KCTD19: variants seen among roughly 807,000 people sequenced by gnomAD.
KCTD19 encodes the protein potassium channel tetramerization domain containing 19.
A neutral mutation model predicts 103.5 loss-of-function variants in KCTD19; 67 were observed. That is an observed-to-expected ratio of 0.65 (90% CI 0.53 to 0.79). KCTD19 has a LOEUF of 0.79. KCTD19 is among the 30% of genes least tolerant of loss of function. KCTD19 has a pLI of 0.00. For missense variants in KCTD19, 980 were observed against 1,136.1 expected (o/e 0.86, Z 1.98); for synonymous variants, 439 against 452.2 (o/e 0.97, Z 0.37).
Position 67,304,444 on chromosome 16 carries a change from G to C in KCTD19, c.428C>G (p.Pro143Arg). The C allele has an allele frequency of 1.2e-6, 2 of 1,613,986 alleles. No individual in the cohort carries two copies. Among genetic ancestry groups the C allele is most frequent in the Non-Finnish European group, 1.7e-6 (2 of 1,179,894 alleles). ...WKCISKPSEF[P>R]IKSPAFTGLH... Reference sequence around the variant, plus strand: ...ACCTGTAAAGGCTGGGCTTTTAATTGGAAATTCTGAGGGTTTGCTAATACA... The same window carrying C: ...ACCTGTAAAGGCTGGGCTTTTAATTCGAAATTCTGAGGGTTTGCTAATACA... Residue 143 changes from proline (P) to arginine (R), a missense_variant, in exon 3 of 16, where the codon CCA (proline) becomes CGA (arginine). Transcript: ENST00000304372.
At chr16:67,310,132 G>A (rs984442044) in intron 2 of KCTD19, among the ~76,000 whole-genome samples, 4 of 152,230 alleles carry the variant, frequency 2.6e-5, no homozygotes, top group African/African-American at 7.2e-5. Flanking sequence ...CTCTACTCAC[G>A]GAAAGCCATT....
intron 2 of KCTD19, among the ~76,000 whole-genome samples, chr16:67,315,010 C>T (rs1316207563): frequency 6.6e-6 from 1 of 151,982 alleles, no homozygotes; most frequent in Non-Finnish European, 1.5e-5. Flanking sequence ...CATGAGCCAT[C>T]ATGCCTAGCT....
intron 1 of KCTD19, chr16:67,326,069 G>T (rs1001566288): frequency 2.0e-5 from 3 of 152,464 alleles, no homozygotes; most frequent in East Asian, 3.9e-4. Context: ...TGGGACTACA[G>T]GCCGTGCCAC....
At chr16:67,294,550 T>G in intron 11 of KCTD19, 30 bp downstream of exon 11, 1 of 1,495,614 alleles carries the variant, frequency 6.7e-7, no homozygotes. Context: ...TTTTTGAGGA[T>G]AACACCAACC....
At position 67,320,736 on chromosome 16, in the gene KCTD19, G is replaced by C. The variant is rs778120542; in HGVS notation, c.153C>G (p.Ser51Arg). The C allele has an allele frequency of 4.3e-6, 7 of 1,614,138 alleles. No individual in the cohort carries two copies. Among genetic ancestry groups the C allele is most frequent in the Non-Finnish European group, 5.9e-6 (7 of 1,180,020 alleles). Residue 51 changes from serine (S) to arginine (R), a missense_variant, in exon 2 of 16, where the codon AGC (serine) becomes AGG (arginine). Transcript: ENST00000304372. This position sits in a 1 kb window ranked among gnomAD's most constrained non-coding sequence, Gnocchi z 4.0. ...CATCTCTGTCGATAAATAGCCTCTG[G>C]CTTTCTGAAGAGGTCAAGGCTGAAG... Reference protein sequence around the residue: ...KEASALTSSESQRLFIDRDGS... With the variant: ...KEASALTSSERQRLFIDRDGS...
chr16:67,291,579 A>T, intron 13 of KCTD19, 67 bp downstream of exon 13: 1 of 1,573,320 alleles, frequency 6.4e-7, no homozygotes, highest in Non-Finnish European at 8.7e-7. Flanking sequence ...TGCCTGAAGT[A>T]CCCTGGGAGG....
Position 67,290,984 on chromosome 16 carries a change from G to A in KCTD19, c.2568C>T (p.Thr856=). ...KVVSLANRLW[T]LHISPKQFVV... is the part of the protein sequence containing the mutation. ...CAAACTGCTTGGGGCTGATGTGCAG[G>A]GTCTGCCAGGAGAGCCCACAGTCAG... The change falls in exon 15 of 16, where the codon ACC becomes ACT. Residue 856 remains threonine, a splice_region_variant and synonymous_variant. Transcript: ENST00000304372. The A allele has an allele frequency of 2.5e-6, 4 of 1,613,938 alleles. No homozygotes were observed. The highest frequency in any genetic ancestry group is 2.5e-6 in the Non-Finnish European group (3 of 1,179,940).
intron 2 of KCTD19, among the ~76,000 whole-genome samples, chr16:67,306,216 C>A (rs904179493): frequency 3.3e-5 from 5 of 152,178 alleles, no homozygotes; most frequent in African/African-American, 1.2e-4. Context: ...AGATTAGAGC[C>A]AGTGTCAATT....
intron 5 of KCTD19, 29 bp downstream of exon 5, chr16:67,301,762 G>A (rs544078560): frequency 1.9e-6 from 3 of 1,610,304 alleles, no homozygotes; most frequent in Admixed American, 1.7e-5. Context: ...AGACTGTCGA[G>A]GGGGAGCCAA....
intron 14 of KCTD19, 93 bp from the exon 15 acceptor site, chr16:67,291,079 C>A: frequency 7.2e-7 from 1 of 1,379,680 alleles, no homozygotes; most frequent in South Asian, 1.3e-5. Context: ...GCCCACAGAG[C>A]CACAGGGGTA....
chr16:67,314,225 TCTCC>T (rs1402955811), intron 2 of KCTD19, among the ~76,000 whole-genome samples: 12 of 144,114 alleles, frequency 8.3e-5, no homozygotes, highest in East Asian at 4.3e-4. Flanking sequence ...TTCTTCTCTC[TCTCC>T]CTCCCTCCCT....
Position 67,303,050 on chromosome 16 carries a change from T to G in KCTD19, c.643+96A>C. ...CTGCCCAGGGAAGCTCCTGAGGCCC[T>G]GAGCACCAAGCTGGGCCTCTGTGGG... is the stretch of plus-strand genomic sequence containing the variant. On this transcript the variant is annotated intron_variant, in intron 4 of 15. Coordinates refer to ENST00000304372, the MANE Select transcript of KCTD19 (RefSeq NM_001100915.3). The surrounding 1 kb of genome is among the most constrained non-coding windows in gnomAD (Gnocchi z 4.3). 7.7e-7 allele frequency: 1 copy of G among 1,294,388 alleles called. No individual in the cohort carries two copies. The highest frequency in any genetic ancestry group is 1.1e-6 in the Non-Finnish European group (1 of 918,972). The allele number at this position is 1,294,388 out of a possible 1,614,324, so 80.2% of individuals were successfully genotyped here. A position where few individuals can be genotyped will look rare whatever the true frequency, so the allele number is the denominator to read the frequency against.
intron 2 of KCTD19, among the ~76,000 whole-genome samples, chr16:67,309,993 C>A (rs1030965633): frequency 2.0e-5 from 3 of 152,210 alleles, no homozygotes; most frequent in Non-Finnish European, 2.9e-5. Context: ...AGATTGCCAT[C>A]CTTGCCAGTC....
intron 2 of KCTD19, among the ~76,000 whole-genome samples, chr16:67,308,899 G>A (rs1018811512): frequency 5.9e-5 from 9 of 152,088 alleles, no homozygotes; most frequent in Non-Finnish European, 1.2e-4. Context: ...TTGGGAGGCC[G>A]AGCTGGGCCG....
chr16:67,302,158 G>T, intron 4 of KCTD19: 1 of 409,796 alleles, frequency 2.4e-6, no homozygotes, highest in Non-Finnish European at 4.5e-6. Context: ...CCGTGGCTTG[G>T]CCTGGGGCTC....
chr16:67,290,804 A>T lies in KCTD19; in HGVS notation c.2667+81T>A, dbSNP rs2036678841. On this transcript the variant is annotated intron_variant, in intron 15 of 15. Transcript: ENST00000304372. ...CTAGCCTTCTGGGCAGTGCTGGCCC[A>T]GCCCTGGTGCAGCAAGACACACGTC... The T allele has an allele frequency of 3.1e-6, 4 of 1,306,758 alleles. No individual in the cohort carries two copies. In the African/African-American group the frequency reaches 5.9e-5, roughly 19 times the overall value. The allele number at this position is 1,306,758 out of a possible 1,614,324, so 80.9% of individuals were successfully genotyped here.
rs762814973 is a variant in KCTD19 at position 67,320,770 on chromosome 16, C to T, written c.119G>A (p.Trp40Ter). The stretch of plus-strand genomic sequence containing the variant: ...AGAGGTCAAGGCTGAAGCCTCTTTC[C>T]ACAGCAGGGAGTCTGGAAACTGAGA... ...KLSQFPDSLL[W>*]KEASALTSSE... Residue 40 changes from tryptophan (W) to a stop codon, truncating the protein, a stop_gained, in exon 2 of 16, where the codon TGG becomes TAG. Transcript: ENST00000304372. LOFTEE classifies it high-confidence loss of function. This position sits in a 1 kb window ranked among gnomAD's most constrained non-coding sequence, Gnocchi z 4.0. The T allele has an allele frequency of 9.9e-6, 16 of 1,614,046 alleles. No individual in the cohort carries two copies. The East Asian group carries it at 3.3e-4, about 34-fold the overall frequency.
At position 67,291,647 on chromosome 16, in the gene KCTD19, T is replaced by C. The variant is rs764650396; in HGVS notation, c.2409A>G (p.Gln803=). The C allele has an allele frequency of 4.3e-6, 7 of 1,612,868 alleles. No homozygotes were observed. Among genetic ancestry groups the C allele is most frequent in the African/African-American group, 1.3e-5 (1 of 74,960 alleles). The change falls in exon 13 of 16, where the codon CAA becomes CAG. Residue 803 remains glutamine, a splice_region_variant and synonymous_variant. Transcript: ENST00000304372. Reference sequence around the variant, plus strand: ...CTCGGCCTGGCTCCAGAGCCTCACCTTGGGGCTGGGGACTGGCTGTGGGTG... The same window carrying C: ...CTCGGCCTGGCTCCAGAGCCTCACCCTGGGGCTGGGGACTGGCTGTGGGTG... ...HTTPTASPQP[Q]EVTFLSFSLS...
chr16:67,306,563 CTCTCCATTT>C (rs1287942161), intron 2 of KCTD19, among the ~76,000 whole-genome samples: 1 of 152,122 alleles, frequency 6.6e-6, no homozygotes, highest in Non-Finnish European at 1.5e-5. Flanking sequence ...CCCGTCCTGC[CTCTCCATTT>C]TCTCTCCTTT....
Sources: allele counts gnomAD v4.1 joint callset (sites outside exome capture counted in the v4.1 genomes callset), GRCh38; gene constraint gnomAD v4.1.1; non-coding constraint Gnocchi (gnomAD v3.1); transcripts MANE v1.5; gene names NCBI Gene and HGNC (gene_info 2026-07-23, HGNC 2026-07-21).